The following ENTREP2 variants were observed in gnomAD, a reference collection of about 807,000 sequenced individuals.
ENTREP2 encodes protein ENTREP2.
At chr15:29,283,975 C>T in the ENTREP2 span, among the ~76,000 whole-genome samples, 1 of 151,908 alleles carries the variant, frequency 6.6e-6, no homozygotes, top group Non-Finnish European at 1.5e-5. Context: ...TATCCCACAG[C>T]ACAAGATAAA....
chr15:29,608,604 G>A, the ENTREP2 span, among the ~76,000 whole-genome samples: 1 of 150,148 alleles, frequency 6.7e-6, no homozygotes, highest in East Asian at 2.0e-4. Context: ...ACCCAGGCTG[G>A]AGTGCAGTGG....
the ENTREP2 span, among the ~76,000 whole-genome samples, chr15:29,470,402 A>T: frequency 1.3e-5 from 2 of 152,076 alleles, no homozygotes; most frequent in Non-Finnish European, 2.9e-5. Context: ...CGTCTCGGGG[A>T]GCCTCCTGCC....
chr15:29,245,412 G>A, the ENTREP2 span, among the ~76,000 whole-genome samples: 1 of 151,988 alleles, frequency 6.6e-6, no homozygotes, highest in Non-Finnish European at 1.5e-5. Flanking sequence ...GAGTGGGAAA[G>A]GCTTTTCTAG....
chr15:29,592,277 T>C, the ENTREP2 span, among the ~76,000 whole-genome samples: 1 of 152,206 alleles, frequency 6.6e-6, no homozygotes, highest in Admixed American at 6.5e-5. Flanking sequence ...CTCATGAAAT[T>C]CCTATAGGTC....
the ENTREP2 span, among the ~76,000 whole-genome samples, chr15:29,494,087 G>C: frequency 6.6e-6 from 1 of 151,960 alleles, no homozygotes; most frequent in Non-Finnish European, 1.5e-5. Flanking sequence ...AAGAAAATAA[G>C]TAACAAGGAT....
At chr15:29,489,105 T>C in the ENTREP2 span, among the ~76,000 whole-genome samples, 6 of 151,942 alleles carry the variant, frequency 3.9e-5, no homozygotes, top group African/African-American at 1.2e-4. Flanking sequence ...CAAAAATTAT[T>C]ACTGTTAAGT....
the ENTREP2 span, among the ~76,000 whole-genome samples, chr15:29,660,995 T>C: frequency 6.6e-6 from 1 of 152,198 alleles, no homozygotes; most frequent in Non-Finnish European, 1.5e-5. Flanking sequence ...AAGGGACAAC[T>C]CTATAATTAT....
the ENTREP2 span, among the ~76,000 whole-genome samples, chr15:29,533,117 C>T: frequency 7.0e-3 from 1,064 of 152,238 alleles, 8 homozygotes; most frequent in African/African-American, 0.025. Flanking sequence ...TTCGTAGCAG[C>T]ACTCTACAGT....
the ENTREP2 span, among the ~76,000 whole-genome samples, chr15:29,235,850 G>T: frequency 2.0e-5 from 3 of 152,064 alleles, no homozygotes; most frequent in African/African-American, 7.2e-5. Flanking sequence ...TGTAATACCA[G>T]CTACTTGGGA....
At chr15:29,228,330 A>G in the ENTREP2 span, among the ~76,000 whole-genome samples, 2 of 152,150 alleles carry the variant, frequency 1.3e-5, no homozygotes, top group African/African-American at 2.4e-5. Context: ...AACAAAAACA[A>G]AAACAAAAAC....
At chr15:29,355,137 C>T in the ENTREP2 span, among the ~76,000 whole-genome samples, 1 of 152,124 alleles carries the variant, frequency 6.6e-6, no homozygotes, top group Non-Finnish European at 1.5e-5. Flanking sequence ...CACTCCAGGC[C>T]CCAGAGCCAC....
At chr15:29,534,811 A>G in the ENTREP2 span, among the ~76,000 whole-genome samples, 1 of 152,244 alleles carries the variant, frequency 6.6e-6, no homozygotes, top group African/African-American at 2.4e-5. Context: ...ACTGGCCAAG[A>G]CAAAAATAAG....
the ENTREP2 span, among the ~76,000 whole-genome samples, chr15:29,223,969 C>T: frequency 1.3e-5 from 2 of 152,200 alleles, no homozygotes; most frequent in African/African-American, 4.8e-5. Context: ...ACAGATAGCT[C>T]CACCTCTGTA....
chr15:29,454,401 C>CT, the ENTREP2 span, among the ~76,000 whole-genome samples: 10 of 152,288 alleles, frequency 6.6e-5, no homozygotes, highest in Middle Eastern at 3.4e-3. Flanking sequence ...ACACAGGATG[C>CT]TAATGGATGT....
At chr15:29,490,385 C>T in the ENTREP2 span, among the ~76,000 whole-genome samples, 7 of 151,826 alleles carry the variant, frequency 4.6e-5, no homozygotes, top group Non-Finnish European at 8.8e-5. Flanking sequence ...AAAACCTCCA[C>T]AACATGGAAG....
the ENTREP2 span, among the ~76,000 whole-genome samples, chr15:29,203,222 G>A: frequency 6.6e-6 from 1 of 152,196 alleles, no homozygotes. Flanking sequence ...CTAACATGGC[G>A]AAACCCCGTC....
chr15:29,319,277 A>T, the ENTREP2 span, among the ~76,000 whole-genome samples: 1 of 152,226 alleles, frequency 6.6e-6, no homozygotes, highest in African/African-American at 2.4e-5. Context: ...AGAGAAAGAG[A>T]AAGTGCAAGC....
At chr15:29,309,467 T>C in the ENTREP2 span, among the ~76,000 whole-genome samples, 1 of 152,134 alleles carries the variant, frequency 6.6e-6, no homozygotes, top group Non-Finnish European at 1.5e-5. Context: ...CCCTGAACCC[T>C]GGCTTTCTTC....
the ENTREP2 span, among the ~76,000 whole-genome samples, chr15:29,552,335 A>C: frequency 6.6e-6 from 1 of 152,240 alleles, no homozygotes; most frequent in Admixed American, 6.5e-5. Flanking sequence ...AAGGTTATAC[A>C]TAACAAATAT....
Sources: gnomAD v4.1 joint callset for allele counts (sites outside exome capture counted in the v4.1 genomes callset) on GRCh38, gnomAD v4.1.1 for gene constraint, MANE v1.5 for transcripts, NCBI Gene and HGNC (gene_info 2026-07-23, HGNC 2026-07-21) for gene names.